Variants in ZNF385D observed in about 807,000 individuals in gnomAD.
The protein encoded by ZNF385D is zinc finger protein 385D, also known as zinc finger protein 659.
In ZNF385D, 15 loss-of-function variants were observed where a neutral mutation model predicts 35.8. The ratio of observed to expected loss-of-function variants is 0.42; its 90% confidence interval spans 0.28 to 0.64. ZNF385D has a LOEUF of 0.64. Ranked by LOEUF, ZNF385D falls within the 30% of genes least tolerant of loss-of-function variation. The pLI is 0.23. For synonymous variants in ZNF385D, 212 were observed against 186.8 expected, an observed-to-expected ratio of 1.13 and a Z score of -1.10; for missense variants, 474 against 494.6, an observed-to-expected ratio of 0.96 and a Z score of 0.39.
intron 3 of ZNF385D, among the ~76,000 whole-genome samples, chr3:21,878,918 A>G (rs752568756): frequency 6.6e-5 from 10 of 152,072 alleles, no homozygotes; most frequent in Non-Finnish European, 1.3e-4. Flanking sequence ...ATTTTTATTT[A>G]GGTTCATACA....
chr3:21,769,198 A>T (rs1440471039), intron 3 of ZNF385D, among the ~76,000 whole-genome samples: 1 of 151,808 alleles, frequency 6.6e-6, no homozygotes, highest in Non-Finnish European at 1.5e-5. Context: ...CTCTCTCTCC[A>T]CTCCTATTCA....
intron 3 of ZNF385D, among the ~76,000 whole-genome samples, chr3:21,815,734 T>C (rs951398627): frequency 6.6e-6 from 1 of 152,196 alleles, no homozygotes; most frequent in Non-Finnish European, 1.5e-5. Context: ...GATTCACAGC[T>C]GAATTCTACC....
rs537597130 is a variant in ZNF385D, at chr3:22,242,424, A to G, written c.107-73389T>C. ...AACGATCAAGGTTAACATCACCAGTAATAAGTTTTATGGATATCACGTAAA... is the reference window on the plus strand; with the variant it reads ...AACGATCAAGGTTAACATCACCAGTGATAAGTTTTATGGATATCACGTAAA... On this transcript the variant is annotated intron_variant, in intron 2 of 5. Transcript: ENST00000494108. Among the ~76,000 whole-genome samples the G allele has an allele frequency of 8.2e-4, 124 of 151,106 alleles. 1 individual carries two copies. The highest frequency in any genetic ancestry group is 1.6e-3 in the Non-Finnish European group (108 of 67,932).
chr3:22,333,071 G>C (rs1452214116), intron 2 of ZNF385D, among the ~76,000 whole-genome samples: 1 of 151,832 alleles, frequency 6.6e-6, no homozygotes, highest in Non-Finnish European at 1.5e-5. Context: ...TATTATTTTT[G>C]TTGGACATGG....
At chr3:21,551,459 C>A (rs1006277881) in intron 3 of ZNF385D, among the ~76,000 whole-genome samples, 6 of 152,188 alleles carry the variant, frequency 3.9e-5, no homozygotes, top group African/African-American at 1.4e-4. Flanking sequence ...ACTGTAATAA[C>A]ACTTAGATGC....
chr3:21,990,469 G>A (rs565104482), intron 3 of ZNF385D, among the ~76,000 whole-genome samples: 1 of 152,194 alleles, frequency 6.6e-6, no homozygotes, highest in African/African-American at 2.4e-5. Flanking sequence ...GGTTAGAAAA[G>A]ATCATTGTTT....
intron 3 of ZNF385D, among the ~76,000 whole-genome samples, chr3:22,015,333 A>G (rs568390052): frequency 3.0e-4 from 45 of 152,296 alleles, no homozygotes; most frequent in Middle Eastern, 3.4e-3. Flanking sequence ...TCAGTTGTCT[A>G]TGCACCATAA....
chr3:22,101,667 C>T (rs17647602), intron 3 of ZNF385D, among the ~76,000 whole-genome samples: 35,759 of 151,112 alleles, frequency 0.24, 4,619 homozygotes, highest in Non-Finnish European at 0.27. Context: ...GGGGCATGTA[C>T]GTTTTGCAAC....
chr3:21,477,072 A>G (rs1704297489), intron 4 of ZNF385D, among the ~76,000 whole-genome samples: 1 of 152,138 alleles, frequency 6.6e-6, no homozygotes, highest in Non-Finnish European at 1.5e-5. Flanking sequence ...AATACACTAA[A>G]TCCAAGAGAC....
intron 4 of ZNF385D, among the ~76,000 whole-genome samples, chr3:21,482,570 C>T (rs935030236): frequency 6.6e-6 from 1 of 152,152 alleles, no homozygotes; most frequent in African/African-American, 2.4e-5. Flanking sequence ...ATTACTCCCT[C>T]TTAGGCAAAG....
rs969598337 is a variant in ZNF385D at position 21,759,415 on chromosome 3, C to T, written c.326-94387G>A. 2.7e-5 allele frequency among the ~76,000 whole-genome samples: 4 copies of T among 150,398 alleles called. No individual in the cohort carries two copies. The East Asian group carries it at 7.7e-4, about 29-fold the overall frequency. ...CAATGTAAGGTTGGAGAAGAAAACA[C>T]AGATGCCATATTGGATGAGATCTCC... On this transcript the variant is annotated intron_variant, in intron 3 of 5. Coordinates refer to the ZNF385D transcript ENST00000494108.
intron 3 of ZNF385D, among the ~76,000 whole-genome samples, chr3:21,806,235 G>A (rs1181210793): frequency 1.3e-5 from 2 of 150,952 alleles, no homozygotes; most frequent in Non-Finnish European, 3.0e-5. Context: ...AGGGGGCAGG[G>A]GGAGGTTATA....
At chr3:22,306,340 GTCTT>G (rs1476527414) in intron 2 of ZNF385D, among the ~76,000 whole-genome samples, 7 of 151,748 alleles carry the variant, frequency 4.6e-5, no homozygotes, top group Admixed American at 3.9e-4. Context: ...GTTAAAAAAA[GTCTT>G]TTTTTTTTCT....
chr3:21,492,410 G>T (rs1049754178), intron 4 of ZNF385D, among the ~76,000 whole-genome samples: 3 of 97,030 alleles, frequency 3.1e-5, no homozygotes, highest in African/African-American at 1.2e-4. Context: ...AAACAAACAA[G>T]AAACAAGACC....
chr3:21,868,391 G>C (rs920440875), intron 3 of ZNF385D, among the ~76,000 whole-genome samples: 3 of 152,126 alleles, frequency 2.0e-5, no homozygotes, highest in African/African-American at 7.2e-5. Flanking sequence ...AGGGGAATGT[G>C]AGTATATAGC....
intron 2 of ZNF385D, among the ~76,000 whole-genome samples, chr3:21,620,064 A>G: frequency 6.6e-6 from 1 of 152,184 alleles, no homozygotes; most frequent in East Asian, 1.9e-4. Flanking sequence ...TAACTGGACT[A>G]AAAGCCTGTA....
At chr3:21,762,174 G>A (rs2070647510) in intron 3 of ZNF385D, among the ~76,000 whole-genome samples, 1 of 152,082 alleles carries the variant, frequency 6.6e-6, no homozygotes, top group Admixed American at 6.6e-5. Flanking sequence ...GCTGTGCTCA[G>A]TCTGTCTTCC....
chr3:21,549,843 T>C (rs1476466239), intron 3 of ZNF385D, among the ~76,000 whole-genome samples: 1 of 152,212 alleles, frequency 6.6e-6, no homozygotes, highest in Non-Finnish European at 1.5e-5. Context: ...ATTTAATTTA[T>C]AAGTGTGTCC....
At chr3:21,715,244 C>T (rs1377918655) in intron 1 of ZNF385D, among the ~76,000 whole-genome samples, 1 of 152,130 alleles carries the variant, frequency 6.6e-6, no homozygotes, top group Admixed American at 6.5e-5. Flanking sequence ...CCTCTCCTCT[C>T]ACCCCATTAC....
Sources: gnomAD v4.1 joint callset for allele counts (sites outside exome capture counted in the v4.1 genomes callset) on GRCh38, gnomAD v4.1.1 for gene constraint, MANE v1.5 for transcripts, NCBI Gene and HGNC (gene_info 2026-07-23, HGNC 2026-07-21) for gene names.